Variants in ADGRL2 observed in about 807,000 individuals in gnomAD.
ADGRL2 encodes adhesion G protein-coupled receptor L2.
A neutral mutation model predicts 157.4 loss-of-function variants in ADGRL2; 44 were observed. The ratio of observed to expected loss-of-function variants is 0.28; its 90% confidence interval spans 0.22 to 0.36. The LOEUF is 0.36. Among genes scored for constraint, ADGRL2 ranks in the 10% least tolerant of loss-of-function variants. ADGRL2 has a pLI of 1.00. For synonymous variants in ADGRL2, 585 were observed against 624.7 expected, an observed-to-expected ratio of 0.94 and a Z score of 0.95; for missense variants, 1,510 against 1,768.9, an observed-to-expected ratio of 0.85 and a Z score of 2.63.
chr1:81,601,070 A>T (rs2081324744), intron 3 of ADGRL2, among the ~76,000 whole-genome samples: 1 of 152,204 alleles, frequency 6.6e-6, no homozygotes. Flanking sequence ...GGAGGGCATG[A>T]CTAGCAACTG....
At chr1:81,367,589 C>G in intron 1 of ADGRL2, among the ~76,000 whole-genome samples, 1 of 152,146 alleles carries the variant, frequency 6.6e-6, no homozygotes, top group East Asian at 1.9e-4. Context: ...GACGGAGTTT[C>G]GCTCTTATTG....
rs1022516677 is a variant in ADGRL2, at chr1:81,943,555, T to C, written c.996T>C (p.Tyr332=). 1 of 1,613,660 alleles carries C rather than the reference T, an allele frequency of 6.2e-7. No individual in the cohort carries two copies. Among genetic ancestry groups the C allele is most frequent in the Non-Finnish European group, 8.5e-7 (1 of 1,179,774 alleles). Reference sequence around the variant, plus strand: ...TCCTCTATGTGGTTAGGTCAGTTTATCAAGACAATGAAAGTGAAACAGGCA... The same window carrying C: ...TCCTCTATGTGGTTAGGTCAGTTTACCAAGACAATGAAAGTGAAACAGGCA... ...CGVLYVVRSV[Y]QDNESETGKN... The change falls in exon 6 of 24, where the codon TAT becomes TAC. Residue 332 remains tyrosine, a synonymous_variant. Transcript: ENST00000686636. This position sits in a 1 kb window ranked among gnomAD's most constrained non-coding sequence, Gnocchi z 5.6.
chr1:81,555,265 CTTTTTTTTTT>C (rs71666308), intron 2 of ADGRL2, among the ~76,000 whole-genome samples: 1 of 115,946 alleles, frequency 8.6e-6, no homozygotes, highest in Non-Finnish European at 1.8e-5. Flanking sequence ...TATTTCTTTT[CTTTTTTTTTT>C]TTTTTTTTTG....
rs1418988473 is a variant in ADGRL2 at position 81,502,685 on chromosome 1, A to G, written c.-248+57596A>G. On this transcript the variant is annotated intron_variant, in intron 2 of 24. Transcript: ENST00000370721. ...AGGACGCAGTACATGAAGTATCTGT[A>G]TGCCTATGAGTGTGAGAAGAAAGCC... is the stretch of plus-strand genomic sequence containing the variant. 6.0e-5 allele frequency: 97 copies of G among 1,613,488 alleles called. No individual in the cohort carries two copies. The South Asian group carries it at 1.0e-3, about 17-fold the overall frequency.
chr1:81,326,282 T>C (rs1660894774), intron 1 of ADGRL2, among the ~76,000 whole-genome samples: 1 of 152,220 alleles, frequency 6.6e-6, no homozygotes, highest in African/African-American at 2.4e-5. Flanking sequence ...TGCTTTGTGA[T>C]TGTAGCTCAG....
intron 1 of ADGRL2, among the ~76,000 whole-genome samples, chr1:81,391,163 C>G (rs983932899): frequency 2.0e-5 from 3 of 152,298 alleles, no homozygotes; most frequent in Non-Finnish European, 4.4e-5. Flanking sequence ...TGAAACTCAC[C>G]AAAATTGATT....
intron 1 of ADGRL2, among the ~76,000 whole-genome samples, chr1:81,434,315 A>C (rs943662050): frequency 6.6e-6 from 1 of 152,170 alleles, no homozygotes; most frequent in African/African-American, 2.4e-5. Context: ...TTTTCAATGA[A>C]AGTTACTTAT....
intron 3 of ADGRL2, among the ~76,000 whole-genome samples, chr1:81,920,863 GAAAAAAAAAAC>G (rs1157126901): frequency 1.6e-3 from 223 of 137,786 alleles, no homozygotes; most frequent in African/African-American, 5.7e-3. Flanking sequence ...GGTTTTAAAG[GAAAAAAAAAAC>G]AAAAAAAAAG....
intron 1 of ADGRL2, among the ~76,000 whole-genome samples, chr1:81,814,455 T>C (rs186513094): frequency 1.6e-3 from 248 of 151,470 alleles, no homozygotes; most frequent in Middle Eastern, 7.5e-3. Flanking sequence ...TTTGAACATG[T>C]TAAACATTTT....
intron 1 of ADGRL2, among the ~76,000 whole-genome samples, chr1:81,703,412 T>C (rs1248511156): frequency 1.3e-5 from 2 of 151,816 alleles, no homozygotes; most frequent in Non-Finnish European, 1.5e-5. Flanking sequence ...AGCTAGAGAG[T>C]TTTTGTTTTC....
At position 81,505,740 on chromosome 1, in the gene ADGRL2, C is replaced by CAAA. The variant is rs59062091; in HGVS notation, c.-248+60672_-248+60674dup. On this transcript the variant is annotated intron_variant, in intron 2 of 24. Transcript: ENST00000370721. ...AATAAATACCTCAGATGTCCTCCTG[C>CAAA]AAAAAAAAAAAAAAAAAAAAAAATA... Among the ~76,000 whole-genome samples the CAAA allele has an allele frequency of 1.4e-3, 117 of 84,900 alleles. 1 individual carries two copies. Among genetic ancestry groups the CAAA allele is most frequent in the Middle Eastern group, 7.8e-3 (1 of 128 alleles). 55.7% of individuals were successfully genotyped at this position (84,900 alleles called of 152,430 possible).
intron 1 of ADGRL2, among the ~76,000 whole-genome samples, chr1:81,358,834 A>T (rs572139881): frequency 6.6e-6 from 1 of 152,220 alleles, no homozygotes. Flanking sequence ...ATAATTAGAA[A>T]TTTTCATCAG....
chr1:81,873,519 G>T (rs1264583659), intron 2 of ADGRL2, among the ~76,000 whole-genome samples: 4 of 152,050 alleles, frequency 2.6e-5, no homozygotes, highest in African/African-American at 9.7e-5. Flanking sequence ...GTATGGGTAA[G>T]AATTACAGAA....
chr1:81,470,899 G>A (rs75958236), intron 2 of ADGRL2, among the ~76,000 whole-genome samples: 7,108 of 152,224 alleles, frequency 0.047, 225 homozygotes, highest in Admixed American at 0.089. Flanking sequence ...ATGCACAAAG[G>A]TAGAAAGAAG....
chr1:81,379,206 A>T lies in ADGRL2; in HGVS notation c.-301-65830A>T, dbSNP rs79408615. Among the ~76,000 whole-genome samples the T allele has an allele frequency of 2.3e-3, 357 of 152,256 alleles. 3 individuals are homozygous for T. Among genetic ancestry groups the T allele is most frequent in the African/African-American group, 8.2e-3 (340 of 41,548 alleles). On this transcript the variant is annotated intron_variant, in intron 1 of 24. Transcript: ENST00000370721. ...CCCTCGTCTCCTCAAAGGGCGGGTG[A>T]TAGGGGTGTGGCTCGCTTCTTCAGT...
At chr1:81,764,819 C>A (rs747101111) in intron 2 of ADGRL2, among the ~76,000 whole-genome samples, 1 of 151,754 alleles carries the variant, frequency 6.6e-6, no homozygotes, top group African/African-American at 2.4e-5. Context: ...AAGAATTTTA[C>A]AATAAAATTA....
intron 3 of ADGRL2, among the ~76,000 whole-genome samples, chr1:81,665,225 A>G (rs1364590445): frequency 6.6e-6 from 1 of 152,146 alleles, no homozygotes; most frequent in Admixed American, 6.5e-5. Context: ...TATGAAGACC[A>G]TTTGAGGTAG....
chr1:81,393,725 G>A (rs1355530324), intron 1 of ADGRL2, among the ~76,000 whole-genome samples: 1 of 148,200 alleles, frequency 6.7e-6, no homozygotes, highest in Non-Finnish European at 1.5e-5. Flanking sequence ...AAATGCATGA[G>A]GATAATAAAC....
chr1:81,647,952 A>G (rs765489486), intron 3 of ADGRL2, among the ~76,000 whole-genome samples: 1 of 152,214 alleles, frequency 6.6e-6, no homozygotes, highest in African/African-American at 2.4e-5. Context: ...CCACTGATCT[A>G]TAATTCAGCT....
Sources: allele counts gnomAD v4.1 joint callset (sites outside exome capture counted in the v4.1 genomes callset), GRCh38; gene constraint gnomAD v4.1.1; non-coding constraint Gnocchi (gnomAD v3.1); transcripts MANE v1.5; gene names NCBI Gene and HGNC (gene_info 2026-07-23, HGNC 2026-07-21).